PTPRZ1: variants seen among roughly 807,000 people sequenced by gnomAD.
PTPRZ1 encodes protein tyrosine phosphatase receptor type Z1.
Under a neutral mutation model 214.1 loss-of-function variants are expected in PTPRZ1, and 82 were observed. That is an observed-to-expected ratio of 0.38 (90% confidence interval 0.32 to 0.46). PTPRZ1 has a LOEUF of 0.46. Among genes scored for constraint, PTPRZ1 ranks in the 20% least tolerant of loss-of-function variants. The pLI, the probability that PTPRZ1 is intolerant of heterozygous loss-of-function variation, is 1.00. For synonymous variants in PTPRZ1, 945 were observed against 987.9 expected (o/e 0.96, Z 0.81); for missense variants, 2,603 against 2,748.7 (o/e 0.95, Z 1.19).
chr7:121,915,927 C>G (rs1795411225), intron 1 of PTPRZ1, among the ~76,000 whole-genome samples: 1 of 152,030 alleles, frequency 6.6e-6, no homozygotes, highest in African/African-American at 2.4e-5. Flanking sequence ...CATTGACTTG[C>G]CCACAGAGCT....
chr7:121,983,062 C>A (rs1797661476), intron 6 of PTPRZ1, among the ~76,000 whole-genome samples: 1 of 152,234 alleles, frequency 6.6e-6, no homozygotes, highest in Non-Finnish European at 1.5e-5. Flanking sequence ...CCACGCCCGG[C>A]CTGTAAATAA....
intron 10 of PTPRZ1, among the ~76,000 whole-genome samples, chr7:122,000,742 A>G (rs549259973): frequency 8.2e-4 from 111 of 135,792 alleles, no homozygotes; most frequent in African/African-American, 2.3e-3. Context: ...GCTGGAATGC[A>G]GTGGTGCAAT....
At chr7:121,944,961 T>C (rs764804679) in intron 2 of PTPRZ1, among the ~76,000 whole-genome samples, 10 of 152,172 alleles carry the variant, frequency 6.6e-5, no homozygotes, top group Non-Finnish European at 7.3e-5. Context: ...TTTTTTGTCA[T>C]TGGGCTCCAT....
intron 11 of PTPRZ1, among the ~76,000 whole-genome samples, chr7:122,008,722 A>T (rs1798562267): frequency 1.3e-5 from 2 of 152,088 alleles, no homozygotes; most frequent in Admixed American, 6.6e-5. Context: ...ATACCAGAAA[A>T]CTAGGCAAAT....
rs919844024 is a variant in PTPRZ1 at position 122,011,949 on chromosome 7, A to G, written c.2903A>G (p.His968Arg). The G allele has an allele frequency of 2.5e-6, 4 of 1,614,224 alleles. No homozygotes were observed. The highest frequency in any genetic ancestry group is 3.4e-6 in the Non-Finnish European group (4 of 1,180,026). The change falls in exon 12 of 30, where the codon CAT becomes CGT. Residue 968 changes from histidine (H) to arginine (R), a missense_variant. Physicochemically the swap from His to Arg is conservative, Grantham distance 29. Transcript: ENST00000393386. ...YQGSLFSGPS[H>R]IPIPKSSLIT... ...GGTTCCTTATTTAGCGGCCCTAGCCATATACCAATACCTAAGTCTTCGTTA... is the reference window on the plus strand; with the variant it reads ...GGTTCCTTATTTAGCGGCCCTAGCCGTATACCAATACCTAAGTCTTCGTTA...
intron 1 of PTPRZ1, among the ~76,000 whole-genome samples, chr7:121,914,983 C>T (rs1795379707): frequency 6.6e-6 from 1 of 152,114 alleles, no homozygotes; most frequent in South Asian, 2.1e-4. Context: ...GGCAAAATTA[C>T]ATGAAGGGCT....
At chr7:122,001,855 A>C (rs1798336836) in intron 10 of PTPRZ1, among the ~76,000 whole-genome samples, 1 of 152,338 alleles carries the variant, frequency 6.6e-6, no homozygotes, top group South Asian at 2.1e-4. Flanking sequence ...AAAAATACTG[A>C]TAGTTCTTCA....
chr7:122,036,819 T>G, intron 18 of PTPRZ1, 137 bp downstream of exon 18: 1 of 620,124 alleles, frequency 1.6e-6, no homozygotes, highest in Non-Finnish European at 2.7e-6. Flanking sequence ...AAAGTAACAG[T>G]AAATAATTTT....
chr7:122,057,555 G>C (rs554886552), intron 27 of PTPRZ1, among the ~76,000 whole-genome samples: 1 of 149,836 alleles, frequency 6.7e-6, no homozygotes. Flanking sequence ...CAGAGGTCTC[G>C]TATTGTGGAT....
intron 1 of PTPRZ1, among the ~76,000 whole-genome samples, chr7:121,925,244 T>C (rs1463496823): frequency 1.3e-5 from 2 of 152,250 alleles, no homozygotes; most frequent in East Asian, 3.8e-4. Context: ...CCCTTTCTAA[T>C]ATCCAGTTGT....
At chr7:122,055,915 A>G (rs1792336993) in intron 27 of PTPRZ1, among the ~76,000 whole-genome samples, 1 of 151,924 alleles carries the variant, frequency 6.6e-6, no homozygotes, top group Non-Finnish European at 1.5e-5. Flanking sequence ...CCTCTAGAAT[A>G]TTTAAATGAC....
chr7:121,994,742 C>T (rs1284192961), intron 8 of PTPRZ1, among the ~76,000 whole-genome samples: 2 of 152,090 alleles, frequency 1.3e-5, no homozygotes, highest in Non-Finnish European at 2.9e-5. Context: ...AGGTCTTCTG[C>T]CATCTGGTGG....
chr7:121,876,349 G>C (rs1794062227), intron 1 of PTPRZ1, among the ~76,000 whole-genome samples: 1 of 152,150 alleles, frequency 6.6e-6, no homozygotes, highest in African/African-American at 2.4e-5. Context: ...ATTAATGAAG[G>C]AATTCAGGAT....
chr7:121,951,444 A>AGT (rs1164373640), intron 2 of PTPRZ1, among the ~76,000 whole-genome samples: 1 of 152,216 alleles, frequency 6.6e-6, no homozygotes, highest in Non-Finnish European at 1.5e-5. Context: ...ACCTTTCAGA[A>AGT]GTGTGGTGTT....
At chr7:121,979,901 G>A (rs1797552330) in intron 6 of PTPRZ1, among the ~76,000 whole-genome samples, 1 of 152,108 alleles carries the variant, frequency 6.6e-6, no homozygotes, top group South Asian at 2.1e-4. Context: ...TAACTGAAAA[G>A]CACTTCTGTA....
Position 122,012,598 on chromosome 7 carries a change from T to C in PTPRZ1, c.3552T>C (p.Pro1184=). ...TTAGTACTGAAGTATTGCTACAACCTTCCTTTCAGGCTTCTGATGTTGACA... is the reference window on the plus strand; with the variant it reads ...TTAGTACTGAAGTATTGCTACAACCCTCCTTTCAGGCTTCTGATGTTGACA... ...ASFSTEVLLQ[P]SFQASDVDTL... is the part of the protein sequence containing the mutation. The change falls in exon 12 of 30, where the codon CCT becomes CCC. Residue 1184 remains proline, a synonymous_variant. Coordinates refer to ENST00000393386, the MANE Select transcript of PTPRZ1 (RefSeq NM_002851.3). The C allele has an allele frequency of 6.2e-7, 1 of 1,613,518 alleles. No homozygotes were observed.
intron 2 of PTPRZ1, among the ~76,000 whole-genome samples, chr7:121,945,674 A>G (rs946008486): frequency 6.6e-6 from 1 of 152,036 alleles, no homozygotes; most frequent in Non-Finnish European, 1.5e-5. Context: ...GATATTTGCA[A>G]CCAGTCATAC....
intron 1 of PTPRZ1, among the ~76,000 whole-genome samples, chr7:121,879,029 C>T (rs756464170): frequency 4.7e-4 from 72 of 152,316 alleles, no homozygotes; most frequent in Admixed American, 3.8e-3. Context: ...GGTACGCGAA[C>T]TTCACTTTCA....
At chr7:121,889,216 C>T (rs903049129) in intron 1 of PTPRZ1, among the ~76,000 whole-genome samples, 9 of 151,982 alleles carry the variant, frequency 5.9e-5, no homozygotes, top group African/African-American at 1.4e-4. Flanking sequence ...CCTTTGGAGA[C>T]GGTATTAGTC....
Sources: gnomAD v4.1 joint callset for allele counts (sites outside exome capture counted in the v4.1 genomes callset) on GRCh38, gnomAD v4.1.1 for gene constraint, MANE v1.5 for transcripts, NCBI Gene and HGNC (gene_info 2026-07-23, HGNC 2026-07-21) for gene names.